The following SNTG1 variants were observed in gnomAD, a reference collection of about 807,000 sequenced individuals.
SNTG1 encodes syntrophin gamma 1, also known as gamma-1-syntrophin.
A neutral mutation model predicts 74.7 loss-of-function variants in SNTG1; 39 were observed. The ratio of observed to expected loss-of-function variants is 0.52; its 90% CI spans 0.40 to 0.68. SNTG1 has a LOEUF of 0.68. Ranked by LOEUF, SNTG1 falls within the 30% of genes least tolerant of loss-of-function variation. The pLI is 0.00. For synonymous variants in SNTG1, 254 were observed against 217.1 expected, an observed-to-expected ratio of 1.17 and a Z score of -1.49; for missense variants, 685 against 609.5, an observed-to-expected ratio of 1.12 and a Z score of -1.30.
At chr8:50,474,162 T>C (rs886744103) in intron 8 of SNTG1, among the ~76,000 whole-genome samples, 5 of 152,018 alleles carry the variant, frequency 3.3e-5, no homozygotes, top group Non-Finnish European at 5.9e-5. Context: ...GACATAGGCA[T>C]GGGCAAGGAC....
At chr8:50,016,434 G>T (rs1481757824) in intron 1 of SNTG1, among the ~76,000 whole-genome samples, 2 of 152,052 alleles carry the variant, frequency 1.3e-5, no homozygotes, top group African/African-American at 4.8e-5. Context: ...GAGTTCCTTG[G>T]CAACTTCTTG....
chr8:49,942,322 A>T (rs1808768790), intron 1 of SNTG1, among the ~76,000 whole-genome samples: 1 of 152,202 alleles, frequency 6.6e-6, no homozygotes, highest in South Asian at 2.1e-4. Flanking sequence ...TTTTCAAAAT[A>T]AATTTTATTT....
chr8:50,195,383 A>T (rs535691991), intron 2 of SNTG1, among the ~76,000 whole-genome samples: 1 of 151,984 alleles, frequency 6.6e-6, no homozygotes, highest in Non-Finnish European at 1.5e-5. Flanking sequence ...GCTGTGAAAG[A>T]AAAGGGCTTG....
intron 2 of SNTG1, among the ~76,000 whole-genome samples, chr8:50,372,431 G>T (rs1475293336): frequency 5.3e-5 from 8 of 151,392 alleles, no homozygotes; most frequent in Admixed American, 1.3e-4. Flanking sequence ...ACCATATATT[G>T]TTACGCTAGT....
At chr8:50,551,865 A>G (rs1055607870) in intron 11 of SNTG1, among the ~76,000 whole-genome samples, 1 of 152,184 alleles carries the variant, frequency 6.6e-6, no homozygotes, top group African/African-American at 2.4e-5. Context: ...TAATAATTTG[A>G]ACCCTCAGAG....
intron 13 of SNTG1, among the ~76,000 whole-genome samples, chr8:50,646,833 G>T (rs186066290): frequency 6.6e-6 from 1 of 152,202 alleles, no homozygotes; most frequent in East Asian, 1.9e-4. Flanking sequence ...TAAAGTGACA[G>T]TAATCAAGGT....
intron 2 of SNTG1, among the ~76,000 whole-genome samples, chr8:50,349,750 T>C (rs974050989): frequency 6.6e-6 from 1 of 152,194 alleles, no homozygotes; most frequent in African/African-American, 2.4e-5. Flanking sequence ...GAAGTGACAG[T>C]GTGCTGGCAG....
chr8:50,365,307 T>C (rs2092078243), intron 2 of SNTG1, among the ~76,000 whole-genome samples: 1 of 152,128 alleles, frequency 6.6e-6, no homozygotes, highest in African/African-American at 2.4e-5. Flanking sequence ...AGATAATTAC[T>C]GAAATAGACC....
intron 13 of SNTG1, among the ~76,000 whole-genome samples, chr8:50,635,953 G>T (rs974886712): frequency 6.6e-6 from 1 of 151,952 alleles, no homozygotes; most frequent in African/African-American, 2.4e-5. Context: ...GCTCTGCCTG[G>T]GTATTGCTGC....
intron 13 of SNTG1, among the ~76,000 whole-genome samples, chr8:50,600,853 T>A (rs541516955): frequency 6.6e-6 from 1 of 151,866 alleles, no homozygotes; most frequent in Non-Finnish European, 1.5e-5. Context: ...TTTGGTTTGC[T>A]GTTGCTTGTC....
chr8:50,273,660 G>C (rs1175183633), intron 2 of SNTG1, among the ~76,000 whole-genome samples: 1 of 152,158 alleles, frequency 6.6e-6, no homozygotes, highest in Non-Finnish European at 1.5e-5. Context: ...AGGCCTCCTG[G>C]GGCTGGCATT....
intron 15 of SNTG1, among the ~76,000 whole-genome samples, chr8:50,699,930 A>G (rs2095417866): frequency 6.6e-6 from 1 of 152,198 alleles, no homozygotes; most frequent in Non-Finnish European, 1.5e-5. Context: ...TAATCATCAG[A>G]TCAATTAATT....
chr8:50,498,390 G>T (rs554993584), intron 8 of SNTG1, among the ~76,000 whole-genome samples: 2 of 151,846 alleles, frequency 1.3e-5, no homozygotes, highest in African/African-American at 2.4e-5. Flanking sequence ...GCACTAATTT[G>T]CCTTGAACAT....
At chr8:50,004,575 C>T (rs1815038799) in intron 1 of SNTG1, among the ~76,000 whole-genome samples, 2 of 152,162 alleles carry the variant, frequency 1.3e-5, no homozygotes, top group Admixed American at 1.3e-4. Context: ...AGGCTGACTC[C>T]ATCTTCTCAT....
chr8:50,205,336 T>C (rs904374538), intron 2 of SNTG1, among the ~76,000 whole-genome samples: 2 of 152,244 alleles, frequency 1.3e-5, no homozygotes, highest in Non-Finnish European at 2.9e-5. Context: ...ATGAACATTT[T>C]TTCATGTGTC....
chr8:49,953,490 G>A (rs76468727), intron 1 of SNTG1, among the ~76,000 whole-genome samples: 1,971 of 152,274 alleles, frequency 0.013, 49 homozygotes, highest in African/African-American at 0.043. Context: ...GTGCTAAAGA[G>A]GGTAGACAAG....
chr8:49,950,025 G>A (rs1470309410), intron 1 of SNTG1, among the ~76,000 whole-genome samples: 1 of 152,180 alleles, frequency 6.6e-6, no homozygotes, highest in African/African-American at 2.4e-5. Context: ...TACTTGGGAT[G>A]CTGAAGCAGG....
At chr8:49,913,238 G>A (rs1004798513) in intron 1 of SNTG1, among the ~76,000 whole-genome samples, 2 of 152,190 alleles carry the variant, frequency 1.3e-5, no homozygotes, top group Non-Finnish European at 2.9e-5. Flanking sequence ...TTACAGTCAT[G>A]TAAATACATG....
chr8:49,934,783 G>C (rs1053159656), intron 1 of SNTG1, among the ~76,000 whole-genome samples: 5 of 152,068 alleles, frequency 3.3e-5, no homozygotes, highest in African/African-American at 1.2e-4. Flanking sequence ...AAATAAGTTG[G>C]TTTAAAATCT....
Sources: gnomAD v4.1 joint callset for allele counts (sites outside exome capture counted in the v4.1 genomes callset) on GRCh38, gnomAD v4.1.1 for gene constraint, MANE v1.5 for transcripts, NCBI Gene and HGNC (gene_info 2026-07-23, HGNC 2026-07-21) for gene names.